The following TNFRSF21 variants were observed in gnomAD, a reference collection of about 807,000 sequenced individuals.
TNFRSF21 encodes the protein TNF receptor superfamily member 21.
TNFRSF21 carries 19 observed loss-of-function variants against 45.6 expected under a neutral mutation model. The observed-to-expected ratio is 0.42, with a 90% CI of 0.29 to 0.61. The LOEUF (loss-of-function observed/expected upper bound fraction) is 0.61. Ranked by LOEUF, TNFRSF21 falls within the 20% of genes least tolerant of loss-of-function variation. The probability of loss-of-function intolerance (pLI) is 0.23; values close to 1 mark genes in which losing one functional copy is unlikely to be tolerated. For synonymous variants in TNFRSF21, 314 were observed against 335.5 expected (o/e 0.94, Z 0.70); for missense variants, 737 against 851.5 (o/e 0.87, Z 1.67).
intron 3 of TNFRSF21, among the ~76,000 whole-genome samples, chr6:47,283,051 C>G (rs971999119): frequency 1.3e-5 from 2 of 152,230 alleles, no homozygotes; most frequent in South Asian, 2.1e-4. Flanking sequence ...AAAAGCCAAA[C>G]TGCTTTTTAG....
intron 3 of TNFRSF21, among the ~76,000 whole-genome samples, chr6:47,277,732 C>T (rs1014478786): frequency 6.6e-6 from 1 of 152,014 alleles, no homozygotes; most frequent in African/African-American, 2.4e-5. Context: ...AAACAGAGGC[C>T]CAGAGAAGTA....
intron 4 of TNFRSF21, among the ~76,000 whole-genome samples, chr6:47,240,935 G>A (rs751930384): frequency 5.3e-5 from 8 of 152,016 alleles, no homozygotes; most frequent in Non-Finnish European, 1.0e-4. Context: ...TTCTAGTCGC[G>A]AATAAATATA....
intron 3 of TNFRSF21, 69 bp from the exon 4 acceptor site, chr6:47,253,590 G>A: frequency 6.5e-7 from 1 of 1,544,604 alleles, no homozygotes; most frequent in Non-Finnish European, 8.7e-7. Context: ...AGGCAGCTCT[G>A]CTTTAATGAA....
intron 3 of TNFRSF21, among the ~76,000 whole-genome samples, chr6:47,276,574 C>T (rs1009517082): frequency 6.6e-6 from 1 of 152,230 alleles, no homozygotes; most frequent in Non-Finnish European, 1.5e-5. Context: ...GCAGGACAAA[C>T]CACCTGTTCT....
intron 2 of TNFRSF21, 31 bp from the exon 3 acceptor site, chr6:47,284,463 C>T: frequency 6.7e-7 from 1 of 1,503,518 alleles, no homozygotes; most frequent in Non-Finnish European, 8.9e-7. Flanking sequence ...GGGGGAAGAG[C>T]TTTTCCATAT....
chr6:47,281,837 T>C (rs1762571689), intron 3 of TNFRSF21, among the ~76,000 whole-genome samples: 2 of 148,122 alleles, frequency 1.4e-5, no homozygotes, highest in South Asian at 4.2e-4. Context: ...AAAGATTTTT[T>C]TTTTTTTAAT....
intron 3 of TNFRSF21, among the ~76,000 whole-genome samples, chr6:47,255,277 G>A (rs1263923736): frequency 6.6e-6 from 1 of 152,154 alleles, no homozygotes; most frequent in Non-Finnish European, 1.5e-5. Flanking sequence ...CCGTTCGTGA[G>A]GGGAGGCTCT....
At chr6:47,308,376 TG>T (rs1382732513) in intron 1 of TNFRSF21, among the ~76,000 whole-genome samples, 1 of 152,166 alleles carries the variant, frequency 6.6e-6, no homozygotes, top group East Asian at 1.9e-4. Context: ...TCTTGTTTCT[TG>T]GGGGTTTTTT....
At position 47,234,571 on chromosome 6, in the gene TNFRSF21, A is replaced by G. The variant is rs1582310514; in HGVS notation, c.1738+99T>C. The G allele has an allele frequency of 1.9e-5, 18 of 963,144 alleles. No individual in the cohort carries two copies. In the East Asian group the frequency reaches 4.4e-4, roughly 23 times the overall value. The allele number at this position is 963,144 out of a possible 1,614,324, so 59.7% of individuals were successfully genotyped here. On this transcript the variant is annotated intron_variant, in intron 5 of 5. Transcript: ENST00000296861. ...CTGGGCAGGTAATTCAGATGACTCA[A>G]CTCTCAGCTACAACTGGACTGTGGA...
At position 47,232,636 on chromosome 6, in the gene TNFRSF21, C is replaced by A. The variant is rs1764602344; in HGVS notation, c.*129G>T. On this transcript the variant is annotated 3_prime_UTR_variant, in exon 6 of 6. Coordinates refer to ENST00000296861, the MANE Select transcript of TNFRSF21 (RefSeq NM_014452.5). ...ATATTCTCTGTTAAACACACACACACACACACACACACACACACACACAAA... is the reference window on the plus strand; with the variant it reads ...ATATTCTCTGTTAAACACACACACAAACACACACACACACACACACACAAA... The A allele has an allele frequency of 1.4e-6, 1 of 719,022 alleles. No homozygotes were observed. The highest frequency in any genetic ancestry group is 2.3e-6 in the Non-Finnish European group (1 of 430,532). The allele number at this position is 719,022 out of a possible 1,614,324, so 44.5% of individuals were successfully genotyped here.
At chr6:47,253,013 C>A (rs1764922345) in intron 4 of TNFRSF21, among the ~76,000 whole-genome samples, 2 of 151,692 alleles carry the variant, frequency 1.3e-5, no homozygotes, top group Non-Finnish European at 2.9e-5. Context: ...GACTGGTCTG[C>A]AGGTAGGGTC....
chr6:47,309,519 C>A lies in TNFRSF21; in HGVS notation c.-8G>T. 2 of 1,441,312 alleles carry A rather than the reference C, an allele frequency of 1.4e-6. No homozygotes were observed. The highest frequency in any genetic ancestry group is 1.8e-6 in the Non-Finnish European group (2 of 1,104,470). The allele number at this position is 1,441,312 out of a possible 1,614,324, so 89.3% of individuals were successfully genotyped here. A position where few individuals can be genotyped will look rare whatever the true frequency, so the allele number is the denominator to read the frequency against. ...GCTCGGAGAGGTCCCCATGGCTGAA[C>A]CGGGGACTCGCAGGGGCGCCCGGGG... On this transcript the variant is annotated 5_prime_UTR_variant, in exon 1 of 6. Coordinates refer to ENST00000296861, the MANE Select transcript of TNFRSF21 (RefSeq NM_014452.5).
chr6:47,262,743 G>C (rs1366156729), intron 3 of TNFRSF21, among the ~76,000 whole-genome samples: 1 of 152,162 alleles, frequency 6.6e-6, no homozygotes, highest in East Asian at 1.9e-4. Flanking sequence ...GTATTGGCAT[G>C]GACAAGGAGG....
chr6:47,309,384 C>A, intron 1 of TNFRSF21, 32 bp downstream of exon 1: 3 of 1,516,530 alleles, frequency 2.0e-6, no homozygotes, highest in Non-Finnish European at 2.6e-6. Flanking sequence ...GCTCCGGCGC[C>A]GCCGCCACCC....
chr6:47,274,117 C>T lies in TNFRSF21; in HGVS notation c.1243+9821G>A, dbSNP rs567200509. 1.6e-4 allele frequency among the ~76,000 whole-genome samples: 25 copies of T among 152,006 alleles called. 1 individual carries two copies. Among genetic ancestry groups the T allele is most frequent in the Non-Finnish European group, 2.1e-4 (14 of 67,998 alleles). ...ATCAAGCTACCAATGATTTTCTTCA[C>T]GGAATTGGAAAAAACTACTTTAAAG... On this transcript the variant is annotated intron_variant, in intron 3 of 5. Coordinates refer to ENST00000296861, the MANE Select transcript of TNFRSF21 (RefSeq NM_014452.5).
chr6:47,296,713 C>A lies in TNFRSF21; in HGVS notation c.97-10118G>T, dbSNP rs75662709. Among the ~76,000 whole-genome samples, 453 of 152,302 alleles carry A rather than the reference C, an allele frequency of 3.0e-3. 4 individuals carry two copies. The highest frequency in any genetic ancestry group is 0.01 in the African/African-American group (420 of 41,566). ...TGGAGAGCTTCTGGACAGCTGAACACCTGGAGATTCCTGGAGGATGGGGAT... is the reference window on the plus strand; with the variant it reads ...TGGAGAGCTTCTGGACAGCTGAACAACTGGAGATTCCTGGAGGATGGGGAT... On this transcript the variant is annotated intron_variant, in intron 1 of 5. Coordinates refer to ENST00000296861, the MANE Select transcript of TNFRSF21 (RefSeq NM_014452.5).
intron 1 of TNFRSF21, among the ~76,000 whole-genome samples, chr6:47,305,181 A>T (rs576052513): frequency 6.6e-6 from 1 of 152,314 alleles, no homozygotes; most frequent in South Asian, 2.1e-4. Flanking sequence ...AGCACTGGTG[A>T]TGGCCATGCT....
At chr6:47,243,343 AT>A (rs1764775392) in intron 4 of TNFRSF21, among the ~76,000 whole-genome samples, 1 of 152,044 alleles carries the variant, frequency 6.6e-6, no homozygotes, top group Non-Finnish European at 1.5e-5. Context: ...TTTTAAAACA[AT>A]TTTTAACATC....
At chr6:47,296,284 G>A (rs1055272050) in intron 1 of TNFRSF21, among the ~76,000 whole-genome samples, 8 of 152,164 alleles carry the variant, frequency 5.3e-5, no homozygotes, top group Non-Finnish European at 8.8e-5. Flanking sequence ...ATAAAAGCAC[G>A]CATAAACAAA....
Sources: allele counts gnomAD v4.1 joint callset (sites outside exome capture counted in the v4.1 genomes callset), GRCh38; gene constraint gnomAD v4.1.1; transcripts MANE v1.5; gene names NCBI Gene and HGNC (gene_info 2026-07-23, HGNC 2026-07-21).